PMPCA: variants seen among roughly 807,000 people sequenced by gnomAD.
The protein encoded by PMPCA is peptidase, mitochondrial processing subunit alpha.
PMPCA carries 47 observed loss-of-function variants against 59.3 expected under a neutral mutation model. That is an observed-to-expected ratio of 0.79 (90% confidence interval 0.63 to 1.01). The LOEUF is 1.01. Ranked by LOEUF, PMPCA falls within the 50% of genes least tolerant of loss-of-function variation. The probability of loss-of-function intolerance (pLI) is 0.00; values close to 1 mark genes in which losing one functional copy is unlikely to be tolerated. For missense variants in PMPCA, 726 were observed against 704.5 expected (o/e 1.03, Z -0.34); for synonymous variants, 338 against 290.3 (o/e 1.16, Z -1.67).
In PMPCA at chr9:136,422,573, C is replaced by T. The variant is rs945549463; in HGVS notation, c.1409-522C>T. The T allele has an allele frequency of 1.2e-5, 12 of 1,017,482 alleles. No homozygotes were observed. In the South Asian group the frequency reaches 4.3e-4, roughly 36 times the overall value. 63.0% of individuals were successfully genotyped at this position (1,017,482 alleles called of 1,614,324 possible). A position where few individuals can be genotyped will look rare whatever the true frequency, so the allele number is the denominator to read the frequency against. ...CCAGGCCTGGAGTCCCGGGCACTTG[C>T]CCTGTCCCGTGTGGGCCCTCGTCCT... On this transcript the variant is annotated intron_variant, in intron 12 of 12. Coordinates refer to ENST00000371717, the MANE Select transcript of PMPCA (RefSeq NM_015160.3).
In PMPCA at chr9:136,421,837, G is replaced by T; in HGVS notation, c.1269G>T (p.Glu423Asp). 2 of 1,587,182 alleles carry T rather than the reference G, an allele frequency of 1.3e-6. No individual in the cohort carries two copies. The highest frequency in any genetic ancestry group is 1.7e-6 in the Non-Finnish European group (2 of 1,162,534). ...TGACTGGACCCTGGCCCCAGGTGGAGCTGGAACGAGCCAAGACGCAGCTGA... is the reference window on the plus strand; with the variant it reads ...TGACTGGACCCTGGCCCCAGGTGGATCTGGAACGAGCCAAGACGCAGCTGA... Reference protein sequence around the residue: ...ILMGGTVDTVELERAKTQLTS... With the variant: ...ILMGGTVDTVDLERAKTQLTS... Residue 423 changes from glutamate (E) to aspartate (D), a missense_variant, in exon 12 of 13, where the codon GAG (glutamate) becomes GAT (aspartate). Transcript: ENST00000371717.
chr9:136,413,100 C>G (rs993687478), intron 4 of PMPCA: 1 of 523,460 alleles, frequency 1.9e-6, no homozygotes, highest in African/African-American at 2.0e-5. Flanking sequence ...GTCAGTTCCT[C>G]CAGGCTGTTG....
intron 6 of PMPCA, 94 bp from the exon 7 acceptor site, chr9:136,416,857 A>T (rs867864235): frequency 3.2e-5 from 39 of 1,230,766 alleles, no homozygotes; most frequent in Middle Eastern, 2.8e-4. Context: ...GGATTTTCCC[A>T]GGGCTGGCTG....
rs987258521 is a variant in PMPCA at position 136,421,468 on chromosome 9, G to C, written c.1264-364G>C. Among the ~76,000 whole-genome samples, 4 of 148,882 alleles carry C rather than the reference G, an allele frequency of 2.7e-5. No individual in the cohort carries two copies. In the Admixed American group the frequency reaches 2.7e-4, roughly 10 times the overall value. On this transcript the variant is annotated intron_variant, in intron 11 of 12. Coordinates refer to ENST00000371717, the MANE Select transcript of PMPCA (RefSeq NM_015160.3). ...TCTGTCGCCCAGGCTGGAGTGCAGT[G>C]GTGCGATCTGGGCTCACTGCAAGCT...
chr9:136,417,248 G>A lies in PMPCA; in HGVS notation c.897+34G>A, dbSNP rs1237324319. ...GCGGGAACGTCTCATGGCCTCGGGT[G>A]GGGAACACGTCCCCTGGCCCGTGGT... On this transcript the variant is annotated intron_variant, in intron 7 of 12. Transcript: ENST00000371717. 2.6e-6 allele frequency: 4 copies of A among 1,529,088 alleles called. No individual in the cohort carries two copies. In the Admixed American group the frequency reaches 5.7e-5, roughly 22 times the overall value. The allele number at this position is 1,529,088 out of a possible 1,614,324, so 94.7% of individuals were successfully genotyped here.
At chr9:136,413,054 A>C in intron 4 of PMPCA, 162 bp downstream of exon 4, 1 of 595,474 alleles carries the variant, frequency 1.7e-6, no homozygotes, top group Admixed American at 3.3e-5. Flanking sequence ...GCGCTTACAC[A>C]GAGAAGCACA....
chr9:136,422,907 AAC>A, intron 12 of PMPCA, 186 bp from the exon 13 acceptor site: 1 of 760,946 alleles, frequency 1.3e-6, no homozygotes, highest in Non-Finnish European at 1.8e-6. Context: ...CTGAGAACTC[AAC>A]GTCTGTCACT....
At chr9:136,421,353 A>G (rs1835442301) in intron 11 of PMPCA, among the ~76,000 whole-genome samples, 1 of 151,480 alleles carries the variant, frequency 6.6e-6, no homozygotes, top group Non-Finnish European at 1.5e-5. Flanking sequence ...TTCCCTAAAA[A>G]ACCTGAAGGG....
At chr9:136,421,407 T>TTTTTG (rs1392345627) in intron 11 of PMPCA, among the ~76,000 whole-genome samples, 1 of 71,716 alleles carries the variant, frequency 1.4e-5, no homozygotes, top group Non-Finnish European at 3.0e-5. Context: ...GGTTCCCGTT[T>TTTTTG]TTTTTTTTTT....
At chr9:136,415,694 G>A (rs542669269) in intron 5 of PMPCA, among the ~76,000 whole-genome samples, 3 of 152,318 alleles carry the variant, frequency 2.0e-5, no homozygotes. Flanking sequence ...ATGCAGTGGC[G>A]CGATCTCGGC....
chr9:136,419,356 G>A, intron 11 of PMPCA: 1 of 584,172 alleles, frequency 1.7e-6, no homozygotes, highest in East Asian at 2.9e-5. Context: ...CCCTCCCCCA[G>A]TGCTCGGTCC....
In PMPCA at chr9:136,416,440, C is replaced by T. The variant is rs371319151; in HGVS notation, c.633+49C>T. 36 of 1,310,112 alleles carry T rather than the reference C, an allele frequency of 2.7e-5. 1 individual carries two copies. The highest frequency in any genetic ancestry group is 2.2e-4 in the African/African-American group (15 of 69,114). The allele number at this position is 1,310,112 out of a possible 1,614,324, so 81.2% of individuals were successfully genotyped here. ...CCCCCGCATCTCGAACAGTGGTCCT[C>T]GGGACACCAGGGGTGGTGGGGAGGG... On this transcript the variant is annotated intron_variant, in intron 6 of 12. Coordinates refer to ENST00000371717, the MANE Select transcript of PMPCA (RefSeq NM_015160.3).
At chr9:136,414,710 G>A in intron 5 of PMPCA, 63 bp downstream of exon 5, 1 of 1,022,526 alleles carries the variant, frequency 9.8e-7, no homozygotes. Context: ...GGAAAGGTTT[G>A]CAGAAGCCCT....
chr9:136,416,945 C>G lies in PMPCA; in HGVS notation c.634-6C>G. On this transcript the variant is annotated splice_region_variant and splice_polypyrimidine_tract_variant and intron_variant, in intron 6 of 12. Transcript: ENST00000371717. ...GTCACCTGTGTCTGTGGCTCTTCCC[C>G]ATTAGGCGGCTTACAGGGAGAACAC... is the stretch of plus-strand genomic sequence containing the variant. 6.2e-7 allele frequency: 1 copy of G among 1,604,776 alleles called. No individual in the cohort carries two copies. Among genetic ancestry groups the G allele is most frequent in the Non-Finnish European group, 8.5e-7 (1 of 1,174,986 alleles).
intron 6 of PMPCA, 184 bp from the exon 7 acceptor site, chr9:136,416,767 C>G: frequency 1.7e-6 from 1 of 601,866 alleles, no homozygotes; most frequent in Non-Finnish European, 2.9e-6. Context: ...AATTTGTATT[C>G]TGGAGAGGCA....
chr9:136,423,180 T>G lies in PMPCA; in HGVS notation c.1494T>G (p.Thr498=). Reference sequence around the variant, plus strand: ...CAGTGGCCGCCCTGGGTGACCTGACTGACCTGCCCACGTATGAGCACATCC... The same window carrying G: ...CAGTGGCCGCCCTGGGTGACCTGACGGACCTGCCCACGTATGAGCACATCC... ...KPAVAALGDL[T]DLPTYEHIQT... The change falls in exon 13 of 13, where the codon ACT becomes ACG. Residue 498 remains threonine, a synonymous_variant. Transcript: ENST00000371717. 1.2e-6 allele frequency: 2 copies of G among 1,613,826 alleles called. No homozygotes were observed. Among genetic ancestry groups the G allele is most frequent in the Non-Finnish European group, 8.5e-7 (1 of 1,180,034 alleles).
chr9:136,411,971 T>C, intron 1 of PMPCA, 26 bp from the exon 2 acceptor site: 1 of 1,467,884 alleles, frequency 6.8e-7, no homozygotes, highest in Non-Finnish European at 9.5e-7. Context: ...AAGCCTGTTG[T>C]AACTGGGCCG....
At chr9:136,422,969 C>G in intron 12 of PMPCA, 126 bp from the exon 13 acceptor site, 2 of 1,450,704 alleles carry the variant, frequency 1.4e-6, no homozygotes, top group South Asian at 1.4e-5. Flanking sequence ...GGCCCAGGTG[C>G]CCCCATCAGC....
chr9:136,423,347 T>C lies in PMPCA; in HGVS notation c.*83T>C. On this transcript the variant is annotated 3_prime_UTR_variant, in exon 13 of 13. Coordinates refer to ENST00000371717, the MANE Select transcript of PMPCA (RefSeq NM_015160.3). ...TGTTAGTTTGGACACGAATTTAGTCTAAAAAGCTGTCTGGTTGTATAAACG... is the reference window on the plus strand; with the variant it reads ...TGTTAGTTTGGACACGAATTTAGTCCAAAAAGCTGTCTGGTTGTATAAACG... 1 of 1,390,056 alleles carries C rather than the reference T, an allele frequency of 7.2e-7. No homozygotes were observed. Among genetic ancestry groups the C allele is most frequent in the Non-Finnish European group, 9.8e-7 (1 of 1,025,144 alleles). The allele number at this position is 1,390,056 out of a possible 1,614,324, so 86.1% of individuals were successfully genotyped here.
Sources: allele counts gnomAD v4.1 joint callset (sites outside exome capture counted in the v4.1 genomes callset), GRCh38; gene constraint gnomAD v4.1.1; transcripts MANE v1.5; gene names NCBI Gene and HGNC (gene_info 2026-07-23, HGNC 2026-07-21).